The following MACROD2 variants were observed in gnomAD, a reference collection of about 807,000 sequenced individuals.
MACROD2 encodes ADP-ribose glycohydrolase MACROD2.
A neutral mutation model predicts 70.4 loss-of-function variants in MACROD2; 36 were observed. The observed-to-expected ratio is 0.51, with a 90% CI of 0.39 to 0.68. The LOEUF (loss-of-function observed/expected upper bound fraction) is 0.68, where lower values mean the gene tolerates loss of function less well. Ranked by LOEUF, MACROD2 falls within the 30% of genes least tolerant of loss-of-function variation. The pLI is 0.00. For synonymous variants in MACROD2, 172 were observed against 178.8 expected (o/e 0.96, Z 0.30); for missense variants, 496 against 538.4 (o/e 0.92, Z 0.78).
At chr20:14,566,882 A>G (rs938246849) in intron 4 of MACROD2, 5 of 151,954 alleles carry the variant, frequency 3.3e-5, no homozygotes, top group African/African-American at 9.7e-5. Context: ...AATTGTTGCA[A>G]TGTCTTTTTA....
intron 6 of MACROD2, among the ~76,000 whole-genome samples, chr20:15,246,779 C>A (rs1338854661): frequency 6.6e-6 from 1 of 152,142 alleles, no homozygotes; most frequent in Non-Finnish European, 1.5e-5. Flanking sequence ...ATGTTCATAG[C>A]AGCATTATTA....
At chr20:15,345,183 C>T (rs1052831536) in intron 6 of MACROD2, among the ~76,000 whole-genome samples, 9 of 152,132 alleles carry the variant, frequency 5.9e-5, no homozygotes, top group African/African-American at 1.9e-4. Flanking sequence ...AATGCCATCA[C>T]GTTAGGGGAA....
chr20:14,650,940 G>C (rs1470952533), intron 4 of MACROD2, among the ~76,000 whole-genome samples: 1 of 152,146 alleles, frequency 6.6e-6, no homozygotes, highest in Non-Finnish European at 1.5e-5. Flanking sequence ...TCCAGAATGA[G>C]AGTTGAAAAT....
intron 5 of MACROD2, among the ~76,000 whole-genome samples, chr20:15,147,475 G>A (rs465491): frequency 0.59 from 89,255 of 151,004 alleles, 26,471 homozygotes; most frequent in East Asian, 0.65. Flanking sequence ...GTAATTATAA[G>A]CAAATAGCTA....
intron 4 of MACROD2, among the ~76,000 whole-genome samples, chr20:14,580,517 A>G (rs1365274332): frequency 1.3e-5 from 2 of 152,150 alleles, no homozygotes; most frequent in Non-Finnish European, 2.9e-5. Context: ...CAAAAATTGG[A>G]TGTCATGTCT....
At chr20:15,875,049 A>C (rs984865799) in intron 9 of MACROD2, among the ~76,000 whole-genome samples, 1 of 152,184 alleles carries the variant, frequency 6.6e-6, no homozygotes, top group African/African-American at 2.4e-5. Context: ...CCTTGAGCTA[A>C]GGAACATGGG....
intron 5 of MACROD2, among the ~76,000 whole-genome samples, chr20:14,751,280 ATCT>A (rs1271126431): frequency 6.6e-6 from 1 of 150,460 alleles, no homozygotes; most frequent in Non-Finnish European, 1.5e-5. Flanking sequence ...CACCTATCAG[ATCT>A]TCTCTTTTAT....
At chr20:14,335,394 C>G (rs1316903394) in intron 3 of MACROD2, among the ~76,000 whole-genome samples, 1 of 152,204 alleles carries the variant, frequency 6.6e-6, no homozygotes, top group Non-Finnish European at 1.5e-5. Context: ...AAATTTATTT[C>G]ACACTGCTTC....
intron 8 of MACROD2, among the ~76,000 whole-genome samples, chr20:15,741,092 CTTT>C (rs397865668): frequency 1.6e-5 from 2 of 123,966 alleles, no homozygotes; most frequent in Non-Finnish European, 3.3e-5. Context: ...GTTATCATAT[CTTT>C]TTTTTTTTTT....
intron 8 of MACROD2, among the ~76,000 whole-genome samples, chr20:15,623,679 C>CCTATCTGTCTATCTATCTAT (rs11471837): frequency 3.4e-5 from 5 of 148,248 alleles, no homozygotes; most frequent in African/African-American, 1.3e-4. Flanking sequence ...AAGTTATCTG[C>CCTATCTGTCTATCTATCTAT]CTATCTATCT....
At chr20:15,930,272 A>C (rs1390106533) in intron 10 of MACROD2, among the ~76,000 whole-genome samples, 2 of 152,204 alleles carry the variant, frequency 1.3e-5, no homozygotes, top group Non-Finnish European at 2.9e-5. Context: ...TCCTTATCAA[A>C]GACTTACGGG....
At chr20:15,331,470 T>C (rs1388800491) in intron 6 of MACROD2, among the ~76,000 whole-genome samples, 1 of 151,636 alleles carries the variant, frequency 6.6e-6, no homozygotes, top group Admixed American at 6.6e-5. Context: ...TGTGTGAAAA[T>C]GTATTAATTT....
At position 14,882,637 on chromosome 20, in the gene MACROD2, C is replaced by G. The variant is rs113855996; in HGVS notation, c.418+197678C>G. On this transcript the variant is annotated intron_variant, in intron 5 of 17. Coordinates refer to ENST00000684519, the MANE Select transcript of MACROD2 (RefSeq NM_001351661.2). ...GTTGAATAGTTTAAAGATGGAAAACCATTTAAGGTTAAAACAGATGAATAA... is the reference window on the plus strand; with the variant it reads ...GTTGAATAGTTTAAAGATGGAAAACGATTTAAGGTTAAAACAGATGAATAA... 1.1e-3 allele frequency among the ~76,000 whole-genome samples: 166 copies of G among 152,220 alleles called. 2 individuals are homozygous for G. The highest frequency in any genetic ancestry group is 3.6e-3 in the African/African-American group (150 of 41,524).
chr20:15,824,559 G>A (rs1208624507), intron 8 of MACROD2, among the ~76,000 whole-genome samples: 1 of 152,146 alleles, frequency 6.6e-6, no homozygotes, highest in African/African-American at 2.4e-5. Flanking sequence ...CATGGTTACT[G>A]CAGCCTATTC....
At chr20:15,405,524 CTGTT>C (rs771072607) in intron 6 of MACROD2, among the ~76,000 whole-genome samples, 1 of 152,144 alleles carries the variant, frequency 6.6e-6, no homozygotes, top group Non-Finnish European at 1.5e-5. Flanking sequence ...CTACTGAAGT[CTGTT>C]TGTGTCACAC....
chr20:15,516,528 A>C (rs1196798984), intron 8 of MACROD2, among the ~76,000 whole-genome samples: 1 of 152,202 alleles, frequency 6.6e-6, no homozygotes, highest in Non-Finnish European at 1.5e-5. Flanking sequence ...GCTAGGATAA[A>C]GGGTGCCCAG....
At position 14,465,902 on chromosome 20, in the gene MACROD2, A is replaced by C. The variant is rs907432387; in HGVS notation, c.272-27577A>C. ...CTTGTAGAGTTTCTGCTGAGAGATC[A>C]GCTGTTAGTCTGATGGGCTTCCCTT... On this transcript the variant is annotated intron_variant, in intron 3 of 17. Transcript: ENST00000684519. 7.2e-5 allele frequency among the ~76,000 whole-genome samples: 11 copies of C among 152,254 alleles called. No individual in the cohort carries two copies. In the South Asian group the frequency reaches 8.3e-4, roughly 11 times the overall value.
At position 15,863,102 on chromosome 20, in the gene MACROD2, T is replaced by G. The variant is rs1188488921; in HGVS notation, c.727+276T>G. On this transcript the variant is annotated intron_variant, in intron 9 of 17. Coordinates refer to ENST00000684519, the MANE Select transcript of MACROD2 (RefSeq NM_001351661.2). ...AGGGGCTAATTATTAATAAAAGATT[T>G]CTAAAGATGCTTCCCCTGGCCTTAA... 3.9e-5 allele frequency among the ~76,000 whole-genome samples: 6 copies of G among 152,070 alleles called. No individual in the cohort carries two copies. In the South Asian group the frequency reaches 1.0e-3, roughly 26 times the overall value.
At chr20:15,579,455 TCA>T (rs1474542570) in intron 8 of MACROD2, among the ~76,000 whole-genome samples, 2 of 152,110 alleles carry the variant, frequency 1.3e-5, no homozygotes, top group African/African-American at 2.4e-5. Flanking sequence ...TCTCCAGCAA[TCA>T]CACTCATTTT....
Sources: gnomAD v4.1 joint callset for allele counts (sites outside exome capture counted in the v4.1 genomes callset) on GRCh38, gnomAD v4.1.1 for gene constraint, MANE v1.5 for transcripts, NCBI Gene and HGNC (gene_info 2026-07-23, HGNC 2026-07-21) for gene names.